The following IRAK2 variants were observed in gnomAD, a reference collection of about 807,000 sequenced individuals.
The protein encoded by IRAK2 is interleukin-1 receptor-associated kinase-like 2.
IRAK2 carries 57 observed loss-of-function variants against 72.0 expected under a neutral mutation model. The ratio of observed to expected loss-of-function variants is 0.79; its 90% CI spans 0.64 to 0.99. The LOEUF (loss-of-function observed/expected upper bound fraction) is 0.99. Ranked by LOEUF, IRAK2 falls within the 50% of genes least tolerant of loss-of-function variation. IRAK2 has a pLI of 0.00. For missense variants in IRAK2, 790 were observed against 794.4 expected (o/e 0.99, Z 0.07); for synonymous variants, 293 against 312.7 (o/e 0.94, Z 0.67).
intron 4 of IRAK2, among the ~76,000 whole-genome samples, chr3:10,211,470 A>T (rs75694002): frequency 1 from 152,115 of 152,118 alleles, 76,056 homozygotes; most frequent in Middle Eastern, 1. Flanking sequence ...TTTAAAAAAT[A>T]AGCCAGGCGT....
intron 2 of IRAK2, among the ~76,000 whole-genome samples, chr3:10,191,485 T>G (rs1440791134): frequency 1.3e-5 from 2 of 152,222 alleles, no homozygotes; most frequent in Non-Finnish European, 2.9e-5. Flanking sequence ...GGTCTACCTT[T>G]GCCCGGCTCT....
At chr3:10,193,731 C>T (rs951254105) in intron 2 of IRAK2, among the ~76,000 whole-genome samples, 4 of 152,272 alleles carry the variant, frequency 2.6e-5, no homozygotes, top group African/African-American at 7.2e-5. Flanking sequence ...TCACCTGCGT[C>T]CCCTTCCTAT....
chr3:10,232,578 CCT>C (rs1004672597), intron 10 of IRAK2, among the ~76,000 whole-genome samples: 25 of 152,116 alleles, frequency 1.6e-4, no homozygotes, highest in African/African-American at 5.3e-4. Context: ...TCCCCCAACC[CCT>C]GTTTAAACAC....
At chr3:10,178,359 A>G (rs1455091702) in intron 2 of IRAK2, among the ~76,000 whole-genome samples, 4 of 152,010 alleles carry the variant, frequency 2.6e-5, no homozygotes, top group Admixed American at 2.6e-4. Flanking sequence ...CAGGAGGCTG[A>G]GGCAGGAGAA....
At position 10,234,662 on chromosome 3, in the gene IRAK2, G is replaced by A. The variant is rs747500894; in HGVS notation, c.1473+3G>A. The A allele has an allele frequency of 6.2e-7, 1 of 1,610,834 alleles. No homozygotes were observed. The highest frequency in any genetic ancestry group is 8.5e-7 in the Non-Finnish European group (1 of 1,178,656). On this transcript the variant is annotated splice_donor_region_variant and intron_variant, in intron 11 of 12. Coordinates refer to ENST00000256458, the MANE Select transcript of IRAK2 (RefSeq NM_001570.4). ...GGCGTAACACCAGCCTGCAGGAGGT[G>A]AGCCTCGCCCGCAGCGGCCTCGCTG... is the stretch of plus-strand genomic sequence containing the variant.
chr3:10,241,566 G>GATAAATAAAAAAAAAA (rs1698061193), intron 12 of IRAK2, among the ~76,000 whole-genome samples: 1 of 131,740 alleles, frequency 7.6e-6, no homozygotes, highest in African/African-American at 2.9e-5. Flanking sequence ...CTCAACAAAT[G>GATAAATAAAAAAAAAA]ATAAATAAAT....
At chr3:10,178,598 T>A (rs1696914989) in intron 2 of IRAK2, among the ~76,000 whole-genome samples, 1 of 152,196 alleles carries the variant, frequency 6.6e-6, no homozygotes, top group Non-Finnish European at 1.5e-5. Context: ...TTGGGCTATC[T>A]GTTCCAAAAA....
intron 1 of IRAK2, among the ~76,000 whole-genome samples, chr3:10,170,325 C>T (rs892055925): frequency 2.0e-5 from 3 of 152,222 alleles, no homozygotes; most frequent in African/African-American, 7.2e-5. Flanking sequence ...CCAGGATAAT[C>T]TCATCTCAGA....
At chr3:10,203,474 G>A (rs183053855) in intron 3 of IRAK2, among the ~76,000 whole-genome samples, 1 of 152,246 alleles carries the variant, frequency 6.6e-6, no homozygotes, top group East Asian at 1.9e-4. Flanking sequence ...AAACCCCAAG[G>A]TTCCACTGAG....
At chr3:10,178,666 A>G (rs1333855867) in intron 2 of IRAK2, among the ~76,000 whole-genome samples, 2 of 152,244 alleles carry the variant, frequency 1.3e-5, no homozygotes, top group African/African-American at 4.8e-5. Flanking sequence ...TCAAAAAAGC[A>G]TGCAGCAAAA....
At chr3:10,209,774 C>T in intron 4 of IRAK2, 82 bp downstream of exon 4, 1 of 769,784 alleles carries the variant, frequency 1.3e-6, no homozygotes, top group Middle Eastern at 2.5e-4. Flanking sequence ...TTCTCTACCC[C>T]TTGAGACCAG....
rs767632246 is a variant in IRAK2, at chr3:10,219,649, C to T, written c.904-31C>T. ...AGGACTTTAAAAAGGTACATTGTGA[C>T]TATTTGTCCTCCTGCTTTTCTTTCT... On this transcript the variant is annotated intron_variant, in intron 7 of 12. Coordinates refer to ENST00000256458, the MANE Select transcript of IRAK2 (RefSeq NM_001570.4). 9 of 1,534,350 alleles carry T rather than the reference C, an allele frequency of 5.9e-6. No homozygotes were observed. The East Asian group carries it at 1.8e-4, about 31-fold the overall frequency.
Position 10,242,303 on chromosome 3 carries a change from A to G in IRAK2, c.*75A>G. 1.2e-6 allele frequency: 1 copy of G among 805,376 alleles called. No individual in the cohort carries two copies. Among genetic ancestry groups the G allele is most frequent in the Non-Finnish European group, 2.0e-6 (1 of 495,478 alleles). 49.9% of individuals were successfully genotyped at this position (805,376 alleles called of 1,614,324 possible). The stretch of plus-strand genomic sequence containing the variant: ...TCAGATCAAGAAAAAGGTCTGAGGC[A>G]GAATCCAAGATCTGCCAGGAAACAC... On this transcript the variant is annotated 3_prime_UTR_variant, in exon 13 of 13. Transcript: ENST00000256458.
At position 10,219,697 on chromosome 3, in the gene IRAK2, C is replaced by G. The variant is rs1697658702; in HGVS notation, c.921C>G (p.Leu307=). 1 of 1,613,362 alleles carries G rather than the reference C, an allele frequency of 6.2e-7. No individual in the cohort carries two copies. ...TCTCTTAGGGTGGCTCGGACCCCCTCCCCTGGCCCCAGCGTGTCAGCATCT... is the reference window on the plus strand; with the variant it reads ...TCTCTTAGGGTGGCTCGGACCCCCTGCCCTGGCCCCAGCGTGTCAGCATCT... The part of the protein sequence containing the change: ...RLQGQGGSDP[L]PWPQRVSICS... Residue 307 remains leucine, a synonymous_variant, in exon 8 of 13, where the codon CTC becomes CTG. Coordinates refer to ENST00000256458, the MANE Select transcript of IRAK2 (RefSeq NM_001570.4).
intron 9 of IRAK2, among the ~76,000 whole-genome samples, chr3:10,224,538 A>ACCCTGCACCCTGTG (rs138513067): frequency 6.7e-6 from 1 of 150,256 alleles, no homozygotes; most frequent in East Asian, 2.0e-4. Flanking sequence ...TGCACCCTGC[A>ACCCTGCACCCTGTG]CCTACCAAGA....
At chr3:10,176,051 C>T (rs368795387) in intron 1 of IRAK2, among the ~76,000 whole-genome samples, 2 of 150,240 alleles carry the variant, frequency 1.3e-5, no homozygotes, top group East Asian at 3.9e-4. Context: ...AACTTTTCCC[C>T]CTGTATTGTC....
intron 11 of IRAK2, among the ~76,000 whole-genome samples, chr3:10,237,635 G>A (rs1234574858): frequency 2.6e-5 from 4 of 151,922 alleles, no homozygotes; most frequent in African/African-American, 9.7e-5. Context: ...GTGAAACCCT[G>A]TCTCTACTAA....
At chr3:10,165,929 C>T (rs1696681040) in intron 1 of IRAK2, among the ~76,000 whole-genome samples, 1 of 151,954 alleles carries the variant, frequency 6.6e-6, no homozygotes, top group South Asian at 2.1e-4. Context: ...GGGGTTTCAC[C>T]GTGTTAGCCA....
intron 2 of IRAK2, 66 bp from the exon 3 acceptor site, chr3:10,200,303 A>T (rs263410): frequency 3.3e-5 from 45 of 1,382,504 alleles, no homozygotes; most frequent in Non-Finnish European, 4.2e-5. Flanking sequence ...GACTTCCAGA[A>T]CCAGTCTCTC....
Sources: allele counts gnomAD v4.1 joint callset (sites outside exome capture counted in the v4.1 genomes callset), GRCh38; gene constraint gnomAD v4.1.1; transcripts MANE v1.5; gene names NCBI Gene and HGNC (gene_info 2026-07-23, HGNC 2026-07-21).